DERL2: variants seen among roughly 807,000 people sequenced by gnomAD.
DERL2 encodes derlin-2.
DERL2 carries 13 observed loss-of-function variants against 32.0 expected under a neutral mutation model. That is an observed-to-expected ratio of 0.41 (90% confidence interval 0.26 to 0.65). DERL2 has a LOEUF of 0.65. DERL2 is among the 30% of genes least tolerant of loss of function. DERL2 has a pLI of 0.35. For missense variants in DERL2, 208 were observed against 296.3 expected, an observed-to-expected ratio of 0.70 and a Z score of 2.19; for synonymous variants, 111 against 104.7, an observed-to-expected ratio of 1.06 and a Z score of -0.37.
chr17:5,478,285 G>A (rs1205545571), intron 6 of DERL2, among the ~76,000 whole-genome samples: 1 of 152,182 alleles, frequency 6.6e-6, no homozygotes, highest in African/African-American at 2.4e-5. Flanking sequence ...TGAGGTGGGA[G>A]GATCACTTGA....
rs767379765 is a variant in DERL2 at position 5,480,352 on chromosome 17, T to C, written c.523+35A>G. On this transcript the variant is annotated intron_variant, in intron 5 of 6. Coordinates refer to ENST00000158771, the MANE Select transcript of DERL2 (RefSeq NM_016041.5). Reference sequence around the variant, plus strand: ...AATAGTAACAAAATACTTTTACAGGTAAAATAATTTAAAAAATAGTGAGAA... The same window carrying C: ...AATAGTAACAAAATACTTTTACAGGCAAAATAATTTAAAAAATAGTGAGAA... 5 of 1,572,758 alleles carry C rather than the reference T, an allele frequency of 3.2e-6. No homozygotes were observed. The African/African-American group carries it at 4.1e-5, about 13-fold the overall frequency.
intron 6 of DERL2, 38 bp downstream of exon 6, chr17:5,480,016 T>C (rs1005113592): frequency 1.0e-5 from 13 of 1,297,542 alleles, no homozygotes; most frequent in Non-Finnish European, 1.3e-5. Context: ...TGTCCTGGTT[T>C]GCCTGTAAGA....
At chr17:5,486,418 C>G (rs1009150005), upstream of DERL2, 4 of 424,618 alleles carry the variant, frequency 9.4e-6, no homozygotes, top group African/African-American at 4.5e-5. Flanking sequence ...CCGGGAAAAA[C>G]GAGTAAGTAC....
chr17:5,480,258 AT>A (rs1294584296), intron 5 of DERL2, 114 bp from the exon 6 acceptor site: 1 of 1,232,426 alleles, frequency 8.1e-7, no homozygotes, highest in African/African-American at 1.5e-5. Flanking sequence ...ATTATTAAAA[AT>A]TAATGAACTA....
chr17:5,476,640 G>T (rs1398075684), intron 6 of DERL2, among the ~76,000 whole-genome samples: 1 of 152,196 alleles, frequency 6.6e-6, no homozygotes, highest in African/African-American at 2.4e-5. Flanking sequence ...AATTAGCCGG[G>T]TGTGGTGGCG....
upstream of DERL2, chr17:5,486,356 G>GC (rs150601778): frequency 0.23 from 85,990 of 374,944 alleles, 7,056 homozygotes; most frequent in East Asian, 0.52. Flanking sequence ...CGTCGCCACC[G>GC]CCCCCCCCCA....
At chr17:5,480,868 A>G (rs1905731303) in intron 4 of DERL2, 2 of 458,484 alleles carry the variant, frequency 4.4e-6, no homozygotes, top group East Asian at 3.4e-5. Flanking sequence ...CAATAATTAT[A>G]TTAAAGCTTG....
At position 5,474,681 on chromosome 17, in the gene DERL2, G is replaced by T; in HGVS notation, c.*3C>A. 6.2e-7 allele frequency: 1 copy of T among 1,608,508 alleles called. No individual in the cohort carries two copies. Among genetic ancestry groups the T allele is most frequent in the Non-Finnish European group, 8.5e-7 (1 of 1,177,556 alleles). ...GCTGGGTCTCATTATTGGCACTGCT[G>T]CTTTAACCTCCAAGCCGCTGGCCCT... On this transcript the variant is annotated 3_prime_UTR_variant, in exon 7 of 7. Transcript: ENST00000158771. This position sits in a 1 kb window ranked among gnomAD's most constrained non-coding sequence, Gnocchi z 4.3.
chr17:5,485,732 C>G (rs1467261560), intron 1 of DERL2: 2 of 280,490 alleles, frequency 7.1e-6, no homozygotes, highest in East Asian at 1.2e-4. Flanking sequence ...CTTCACTAAA[C>G]GGACCTTCCT....
chr17:5,483,047 T>C (rs1018586133), intron 2 of DERL2, among the ~76,000 whole-genome samples, 165 bp from the exon 3 acceptor site: 2 of 152,224 alleles, frequency 1.3e-5, no homozygotes, highest in Non-Finnish European at 2.9e-5. Context: ...AATCTGATGT[T>C]AGATTTTTTT....
chr17:5,480,239 G>A, intron 5 of DERL2, 95 bp from the exon 6 acceptor site: 1 of 1,223,124 alleles, frequency 8.2e-7, no homozygotes. Context: ...TAGGATGAAT[G>A]TCAACATAAT....
In DERL2 at chr17:5,486,152, G is replaced by C. The variant is rs777347590; in HGVS notation, c.10C>G (p.Gln4Glu). 8.1e-6 allele frequency: 13 copies of C among 1,608,456 alleles called. No homozygotes were observed. The South Asian group carries it at 1.3e-4, about 16-fold the overall frequency. The change falls in exon 1 of 7, where the codon CAG (glutamine) becomes GAG (glutamate). Residue 4 changes from glutamine to glutamate, a missense_variant. Transcript: ENST00000158771. MAY[Q>E]SLRLEYLQIP... ...TGCAGGTACTCCAGCCGCAAGCTCT[G>C]GTACGCCATCTTCCCCACCGTCGCC...
At position 5,481,357 on chromosome 17, in the gene DERL2, G is replaced by A; in HGVS notation, c.266C>T (p.Ser89Phe). The A allele has an allele frequency of 6.2e-7, 1 of 1,614,144 alleles. No individual in the cohort carries two copies. Among genetic ancestry groups the A allele is most frequent in the Non-Finnish European group, 8.5e-7 (1 of 1,179,988 alleles). Reference sequence around the variant, plus strand: ...AAAGTCTGCTGTCCGACCTCGGAAAGAGCCTTCTTCTAGCATTCGACAGTA... The same window carrying A: ...AAAGTCTGCTGTCCGACCTCGGAAAAAGCCTTCTTCTAGCATTCGACAGTA... ...YRYCRMLEEG[S>F]FRGRTADFVF... The change falls in exon 4 of 7, where the codon TCT (serine) becomes TTT (phenylalanine). Residue 89 changes from serine to phenylalanine, a missense_variant. Coordinates refer to ENST00000158771, the MANE Select transcript of DERL2 (RefSeq NM_016041.5). The surrounding 1 kb of genome is among the most constrained non-coding windows in gnomAD (Gnocchi z 4.4).
chr17:5,484,043 T>C (rs1400833419), intron 2 of DERL2, among the ~76,000 whole-genome samples: 1 of 152,188 alleles, frequency 6.6e-6, no homozygotes, highest in Non-Finnish European at 1.5e-5. Context: ...TGAGAGATGT[T>C]CTAAAACAAA....
chr17:5,485,869 C>T, intron 1 of DERL2, 200 bp downstream of exon 1: 1 of 453,926 alleles, frequency 2.2e-6, no homozygotes, highest in East Asian at 3.4e-5. Context: ...TGACCTGACC[C>T]CCCATGAAGC....
chr17:5,486,798 C>A (rs1027801137), upstream of DERL2: 1 of 152,440 alleles, frequency 6.6e-6, no homozygotes, highest in Admixed American at 6.5e-5. Flanking sequence ...CCCCGGCCTC[C>A]GACCTGAAGA....
rs1905146864 is a variant in DERL2, at chr17:5,472,039, G to A, written c.*2645C>T. The A allele has an allele frequency of 6.6e-6, 1 of 152,156 alleles. No individual in the cohort carries two copies. The allele number at this position is 152,156 out of a possible 1,614,324, so 9.4% of individuals were successfully genotyped here. A position where few individuals can be genotyped will look rare whatever the true frequency, so the allele number is the denominator to read the frequency against. ...AGTGACACAGAAAAAACAAGAGGAA[G>A]AGAGAAACAAATAGAAATCCATACT... On this transcript the variant is annotated 3_prime_UTR_variant, in exon 7 of 7. Transcript: ENST00000158771.
Position 5,486,040 on chromosome 17 carries a change from A to C in DERL2, c.93+29T>G, listed in dbSNP as rs111604249. On this transcript the variant is annotated intron_variant, in intron 1 of 6. Coordinates refer to ENST00000158771, the MANE Select transcript of DERL2 (RefSeq NM_016041.5). ...AGACCCAGTCATATCCAGCCCAGAT[A>C]ATGAGAAGGTGGCACTGCAGCTGCT... is the stretch of plus-strand genomic sequence containing the variant. 3,841 of 1,594,442 alleles carry C rather than the reference A, an allele frequency of 2.4e-3. 29 individuals are homozygous for C. Among genetic ancestry groups the C allele is most frequent in the Middle Eastern group, 0.016 (81 of 5,030 alleles).
At chr17:5,480,186 A>G in intron 5 of DERL2, 42 bp from the exon 6 acceptor site, 1 of 1,418,870 alleles carries the variant, frequency 7.0e-7, no homozygotes. Context: ...GAGAATTAAA[A>G]TTTAGATTGC....
Sources: gnomAD v4.1 joint callset for allele counts (sites outside exome capture counted in the v4.1 genomes callset) on GRCh38, gnomAD v4.1.1 for gene constraint, Gnocchi (gnomAD v3.1) non-coding constraint, MANE v1.5 for transcripts, NCBI Gene and HGNC (gene_info 2026-07-23, HGNC 2026-07-21) for gene names.